NBAS: variants seen among roughly 807,000 people sequenced by gnomAD.
The protein encoded by NBAS is NAG/BC035112 fusion.
Under a neutral mutation model 302.5 loss-of-function variants are expected in NBAS, and 219 were observed. The ratio of observed to expected loss-of-function variants is 0.72; its 90% confidence interval spans 0.65 to 0.81. The LOEUF (loss-of-function observed/expected upper bound fraction) is 0.81. NBAS is among the 30% of genes least tolerant of loss of function. NBAS has a pLI of 0.00. For synonymous variants in NBAS, 1,118 were observed against 1,021.6 expected, an observed-to-expected ratio of 1.09 and a Z score of -1.80; for missense variants, 2,932 against 2,841.6, an observed-to-expected ratio of 1.03 and a Z score of -0.72.
chr2:15,474,469 A>G, intron 14 of NBAS, 145 bp from the exon 15 acceptor site: 1 of 852,432 alleles, frequency 1.2e-6, no homozygotes, highest in Non-Finnish European at 1.8e-6. Flanking sequence ...TGGAACTCAA[A>G]GGAACCTTAC....
chr2:15,553,797 CCT>C (rs1213635745), intron 4 of NBAS, among the ~76,000 whole-genome samples: 1 of 112,908 alleles, frequency 8.9e-6, no homozygotes. Context: ...TCCCTCCCTC[CCT>C]CTCTCCCTCC....
At chr2:15,415,099 T>G (rs1343082908) in intron 25 of NBAS, among the ~76,000 whole-genome samples, 1 of 152,246 alleles carries the variant, frequency 6.6e-6, no homozygotes, top group Non-Finnish European at 1.5e-5. Context: ...ATTAGAATAC[T>G]ATGTTTTAAT....
At chr2:15,206,807 G>T (rs1310359178) in intron 48 of NBAS, among the ~76,000 whole-genome samples, 2 of 152,238 alleles carry the variant, frequency 1.3e-5, no homozygotes, top group Non-Finnish European at 2.9e-5. Context: ...CACAAGTTGA[G>T]TTTTGGGAGC....
the NBAS span, among the ~76,000 whole-genome samples, chr2:14,779,840 T>C: frequency 6.6e-6 from 1 of 152,316 alleles, no homozygotes; most frequent in African/African-American, 2.4e-5. Context: ...TTGTATACAG[T>C]AGGATATTTT....
chr2:15,302,233 TG>T (rs1670835096), intron 40 of NBAS, among the ~76,000 whole-genome samples: 1 of 152,210 alleles, frequency 6.6e-6, no homozygotes, highest in Non-Finnish European at 1.5e-5. Flanking sequence ...AAAAACATCC[TG>T]GATTCTCTCT....
chr2:14,899,181 A>G, the NBAS span, among the ~76,000 whole-genome samples: 1 of 152,202 alleles, frequency 6.6e-6, no homozygotes, highest in Non-Finnish European at 1.5e-5. Flanking sequence ...CTCAAAGCCC[A>G]AGAACATTAC....
the NBAS span, among the ~76,000 whole-genome samples, chr2:14,912,698 AT>A: frequency 8.9e-4 from 92 of 102,872 alleles, 2 homozygotes; most frequent in African/African-American, 3.3e-3. Context: ...CCATGCATTC[AT>A]TTTTAAAAAA....
At chr2:15,521,609 T>C (rs989754389) in intron 9 of NBAS, among the ~76,000 whole-genome samples, 4 of 152,194 alleles carry the variant, frequency 2.6e-5, no homozygotes, top group African/African-American at 9.7e-5. Flanking sequence ...TCAAGTATAT[T>C]TAATAATTTA....
the NBAS span, among the ~76,000 whole-genome samples, chr2:14,927,291 A>T: frequency 6.6e-6 from 1 of 152,218 alleles, no homozygotes; most frequent in Non-Finnish European, 1.5e-5. Context: ...ATTTCTCTGG[A>T]GAATCCTGAC....
chr2:14,848,482 C>T, the NBAS span, among the ~76,000 whole-genome samples: 18,052 of 142,678 alleles, frequency 0.13, 1,568 homozygotes, highest in Non-Finnish European at 0.16. Context: ...AACTGCAAGG[C>T]GGCAGCGAGG....
At chr2:15,434,235 A>C (rs1677901245) in intron 21 of NBAS, among the ~76,000 whole-genome samples, 1 of 152,222 alleles carries the variant, frequency 6.6e-6, no homozygotes. Flanking sequence ...AGATAAACAA[A>C]ACAAGAGAGA....
chr2:14,902,182 A>T, the NBAS span, among the ~76,000 whole-genome samples: 2 of 152,172 alleles, frequency 1.3e-5, no homozygotes, highest in African/African-American at 4.8e-5. Context: ...CCCAGGCTAG[A>T]GTGCAGTGGC....
the NBAS span, among the ~76,000 whole-genome samples, chr2:14,983,826 A>G: frequency 6.6e-6 from 1 of 152,086 alleles, no homozygotes; most frequent in African/African-American, 2.4e-5. Flanking sequence ...AGGCATTAAA[A>G]ACCCCTTCGT....
the NBAS span, among the ~76,000 whole-genome samples, chr2:15,088,000 G>A: frequency 6.6e-6 from 1 of 152,244 alleles, no homozygotes; most frequent in Non-Finnish European, 1.5e-5. Flanking sequence ...GAGTGAGCCA[G>A]TGCAAGAGAA....
At chr2:15,515,040 GC>G (rs910422380) in intron 9 of NBAS, among the ~76,000 whole-genome samples, 32 of 152,304 alleles carry the variant, frequency 2.1e-4, no homozygotes, top group African/African-American at 7.7e-4. Flanking sequence ...TGATGCTCCA[GC>G]TCTAAGAATG....
At chr2:15,072,738 A>G in the NBAS span, among the ~76,000 whole-genome samples, 1 of 152,252 alleles carries the variant, frequency 6.6e-6, no homozygotes, top group African/African-American at 2.4e-5. Context: ...TCATCTGCGA[A>G]TAAGTATATT....
intron 32 of NBAS, among the ~76,000 whole-genome samples, chr2:15,359,640 C>CAA (rs1240741166): frequency 1.3e-5 from 2 of 152,002 alleles, no homozygotes; most frequent in East Asian, 3.9e-4. Flanking sequence ...TCAACATATT[C>CAA]CTTTACTTTT....
At chr2:15,438,644 A>G (rs1678158288) in intron 21 of NBAS, among the ~76,000 whole-genome samples, 1 of 152,234 alleles carries the variant, frequency 6.6e-6, no homozygotes. Context: ...AGGCTGCAGC[A>G]TAAAAAGGGA....
intron 44 of NBAS, among the ~76,000 whole-genome samples, chr2:15,253,933 A>G (rs1052112623): frequency 4.6e-5 from 7 of 152,196 alleles, no homozygotes; most frequent in African/African-American, 1.7e-4. Context: ...AGTTTAAATG[A>G]TAACAGCCCT....
Sources: allele counts gnomAD v4.1 joint callset (sites outside exome capture counted in the v4.1 genomes callset), GRCh38; gene constraint gnomAD v4.1.1; transcripts MANE v1.5; gene names NCBI Gene and HGNC (gene_info 2026-07-23, HGNC 2026-07-21).